The following MPHOSPH8 variants were observed in gnomAD, a reference collection of about 807,000 sequenced individuals.
MPHOSPH8 encodes the protein M-phase phosphoprotein, mpp.
MPHOSPH8 carries 45 observed loss-of-function variants against 87.3 expected under a neutral mutation model. The observed-to-expected ratio is 0.52, with a 90% CI of 0.41 to 0.66. The LOEUF is 0.66. Ranked by LOEUF, MPHOSPH8 falls within the 30% of genes least tolerant of loss-of-function variation. The pLI is 0.00. For missense variants in MPHOSPH8, 883 were observed against 1,020.2 expected (o/e 0.87, Z 1.83); for synonymous variants, 366 against 376.9 (o/e 0.97, Z 0.33).
chr13:19,661,640 G>GT, intron 7 of MPHOSPH8, 58 bp from the exon 8 acceptor site: 2 of 1,504,320 alleles, frequency 1.3e-6, no homozygotes, highest in Non-Finnish European at 1.8e-6. Flanking sequence ...AGAAGACTTG[G>GT]TTCTGAAATT....
rs1248989916 is a variant in MPHOSPH8 at position 19,672,010 on chromosome 13, TGTA to T, written c.*138_*140del. ...TCTTGCAGTTAAGCCTGTTGTCTGT[TGTA>T]GTCTGTAAGATGCGACATAGCTGTG... On this transcript the variant is annotated 3_prime_UTR_variant, in exon 14 of 14. Transcript: ENST00000361479. 135 of 857,588 alleles carry T rather than the reference TGTA, an allele frequency of 1.6e-4. No individual in the cohort carries two copies. The highest frequency in any genetic ancestry group is 2.0e-4 in the Non-Finnish European group (108 of 533,806). The allele number at this position is 857,588 out of a possible 1,614,324, so 53.1% of individuals were successfully genotyped here.
chr13:19,659,198 T>A lies in MPHOSPH8; in HGVS notation c.1703-3T>A. The A allele has an allele frequency of 6.2e-7, 1 of 1,609,936 alleles. No individual in the cohort carries two copies. Among genetic ancestry groups the A allele is most frequent in the South Asian group, 1.1e-5 (1 of 90,096 alleles). ...ATCTAACTTATTTTTTCTTTCATTT[T>A]AGATGTGTTAAGGGATGCTGTGAAA... On this transcript the variant is annotated splice_polypyrimidine_tract_variant and splice_region_variant and intron_variant, in intron 6 of 13. Transcript: ENST00000361479.
intron 1 of MPHOSPH8, among the ~76,000 whole-genome samples, chr13:19,640,710 T>A (rs1439521048): frequency 1.3e-5 from 2 of 152,126 alleles, no homozygotes; most frequent in African/African-American, 4.8e-5. Context: ...TTTTACCCCA[T>A]TGACCTCCTT....
chr13:19,663,218 G>A, intron 9 of MPHOSPH8, 92 bp downstream of exon 9: 2 of 1,138,582 alleles, frequency 1.8e-6, no homozygotes, highest in Non-Finnish European at 2.6e-6. Context: ...GCTGGGGACT[G>A]AGAACAGAGT....
At chr13:19,647,793 ATATG>A (rs1458467267) in intron 3 of MPHOSPH8, among the ~76,000 whole-genome samples, 3 of 152,190 alleles carry the variant, frequency 2.0e-5, no homozygotes, top group Admixed American at 6.5e-5. Context: ...GAGTATTTAT[ATATG>A]CAATATTTAT....
chr13:19,653,782 A>G (rs1733336486), intron 5 of MPHOSPH8, among the ~76,000 whole-genome samples: 1 of 152,220 alleles, frequency 6.6e-6, no homozygotes, highest in South Asian at 2.1e-4. Context: ...CAATAACGAA[A>G]TCGGTAAGCA....
chr13:19,671,386 A>G (rs1233726152), intron 13 of MPHOSPH8, 97 bp downstream of exon 13: 11 of 1,107,334 alleles, frequency 9.9e-6, no homozygotes, highest in Admixed American at 3.9e-5. Flanking sequence ...ATCCTGGTGT[A>G]CCTGTCCTAG....
At chr13:19,669,928 G>A (rs776774346) in intron 11 of MPHOSPH8, among the ~76,000 whole-genome samples, 8 of 152,240 alleles carry the variant, frequency 5.3e-5, no homozygotes, top group African/African-American at 9.6e-5. Flanking sequence ...TCCCTGGGAC[G>A]TGTGCACATT....
At chr13:19,660,190 G>A (rs1251641219) in intron 7 of MPHOSPH8, among the ~76,000 whole-genome samples, 3 of 150,620 alleles carry the variant, frequency 2.0e-5, no homozygotes, top group Admixed American at 1.3e-4. Context: ...GGATGGTCTC[G>A]ATCTCCTGAC....
At chr13:19,663,431 C>T (rs768702360) in intron 9 of MPHOSPH8, among the ~76,000 whole-genome samples, 1 of 152,184 alleles carries the variant, frequency 6.6e-6, no homozygotes, top group Non-Finnish European at 1.5e-5. Context: ...CACACTGTGT[C>T]CTAAATGGCA....
In MPHOSPH8 at chr13:19,662,533, C is replaced by G. The variant is rs188749480; in HGVS notation, c.1933-507C>G. 2.0e-3 allele frequency among the ~76,000 whole-genome samples: 304 copies of G among 152,312 alleles called. 1 individual carries two copies. Among genetic ancestry groups the G allele is most frequent in the African/African-American group, 7.1e-3 (294 of 41,580 alleles). ...GGGATTACAGGCATGAGCCACCGCA[C>G]CCAGCTGGAGTAACTTTTTAATTTT... is the stretch of plus-strand genomic sequence containing the variant. On this transcript the variant is annotated intron_variant, in intron 8 of 13. Coordinates refer to ENST00000361479, the MANE Select transcript of MPHOSPH8 (RefSeq NM_017520.4).
At position 19,639,258 on chromosome 13, in the gene MPHOSPH8, G is replaced by T. The variant is rs1874162781; in HGVS notation, c.214-2857G>T. ...AGCCTAGTTGCTTGCGACTCCTCCT[G>T]AGCAGGAGGATTCTACAGTGCCTGG... On this transcript the variant is annotated intron_variant, in intron 1 of 13. Coordinates refer to ENST00000361479, the MANE Select transcript of MPHOSPH8 (RefSeq NM_017520.4). Among the ~76,000 whole-genome samples the T allele has an allele frequency of 1.3e-5, 2 of 151,784 alleles. 1 individual carries two copies. Among genetic ancestry groups the T allele is most frequent in the South Asian group, 4.2e-4 (2 of 4,810 alleles).
chr13:19,649,846 G>C (rs1048014163), intron 4 of MPHOSPH8, among the ~76,000 whole-genome samples, 157 bp from the exon 5 acceptor site: 6 of 152,162 alleles, frequency 3.9e-5, no homozygotes, highest in African/African-American at 9.7e-5. Context: ...CGATTTTGTG[G>C]CTTTGACAGT....
Position 19,672,376 on chromosome 13 carries a change from T to TAAG in MPHOSPH8, c.*501_*502insAAG. On this transcript the variant is annotated 3_prime_UTR_variant, in exon 14 of 14. Transcript: ENST00000361479. ...TCAGGCTGGTCTTGAACTCCTGACC[T>TAAG]CAGGTGATCCGCCCGCCTCGGCCTC... 6.5e-6 allele frequency: 1 copy of TAAG among 153,596 alleles called. No individual in the cohort carries two copies. The highest frequency in any genetic ancestry group is 1.4e-5 in the Non-Finnish European group (1 of 69,040). The allele number at this position is 153,596 out of a possible 1,614,324, so 9.5% of individuals were successfully genotyped here. A position where few individuals can be genotyped will look rare whatever the true frequency, so the allele number is the denominator to read the frequency against.
At chr13:19,654,678 G>A (rs1334756570) in intron 5 of MPHOSPH8, among the ~76,000 whole-genome samples, 1 of 152,220 alleles carries the variant, frequency 6.6e-6, no homozygotes, top group African/African-American at 2.4e-5. Context: ...GCCGGGCGCA[G>A]TGGCTCATGC....
chr13:19,672,950 G>C lies in MPHOSPH8; in HGVS notation c.*1075G>C, dbSNP rs1876219236. 2 of 385,484 alleles carry C rather than the reference G, an allele frequency of 5.2e-6. No individual in the cohort carries two copies. Among genetic ancestry groups the C allele is most frequent in the South Asian group, 2.0e-5 (1 of 49,704 alleles). 23.9% of individuals were successfully genotyped at this position (385,484 alleles called of 1,614,324 possible). On this transcript the variant is annotated 3_prime_UTR_variant, in exon 14 of 14. Coordinates refer to ENST00000361479, the MANE Select transcript of MPHOSPH8 (RefSeq NM_017520.4). ...ACAAGCCTGTAGTCCCAGATACTCA[G>C]GAGGCTGAGGTGAAAGGATTGCTTG...
intron 3 of MPHOSPH8, among the ~76,000 whole-genome samples, chr13:19,647,726 AT>A (rs1242489617): frequency 6.6e-6 from 1 of 152,228 alleles, no homozygotes; most frequent in Non-Finnish European, 1.5e-5. Context: ...AATTTGTCCC[AT>A]TATAAAAATT....
intron 9 of MPHOSPH8, among the ~76,000 whole-genome samples, chr13:19,665,200 T>C (rs1836165304): frequency 6.6e-6 from 1 of 152,202 alleles, no homozygotes; most frequent in Admixed American, 6.5e-5. Flanking sequence ...CTGAATTCAG[T>C]AGACTGCCTT....
Position 19,659,125 on chromosome 13 carries a change from G to A in MPHOSPH8, c.1702+5G>A, listed in dbSNP as rs769786106. The A allele has an allele frequency of 1.2e-6, 2 of 1,612,884 alleles. No homozygotes were observed. Among genetic ancestry groups the A allele is most frequent in the Non-Finnish European group, 8.5e-7 (1 of 1,179,724 alleles). ...CAACAGATGCAATTCCAAGTAGTGA[G>A]TAGTTTTGGAAATATTGAAATCCCT... On this transcript the variant is annotated splice_donor_5th_base_variant and intron_variant, in intron 6 of 13. Coordinates refer to ENST00000361479, the MANE Select transcript of MPHOSPH8 (RefSeq NM_017520.4).
Sources: gnomAD v4.1 joint callset for allele counts (sites outside exome capture counted in the v4.1 genomes callset) on GRCh38, gnomAD v4.1.1 for gene constraint, MANE v1.5 for transcripts, NCBI Gene and HGNC (gene_info 2026-07-23, HGNC 2026-07-21) for gene names.